Variants in CYP1A1 observed in about 807,000 individuals in gnomAD.
CYP1A1 encodes cytochrome P450 family 1 subfamily A member 1.
Under a neutral mutation model 33.6 loss-of-function variants are expected in CYP1A1, and 43 were observed. The ratio of observed to expected loss-of-function variants is 1.28; its 90% CI spans 1.00 to 1.65. The LOEUF (loss-of-function observed/expected upper bound fraction) is 1.65. CYP1A1 is among the 40% of genes most tolerant of loss of function. The pLI, the probability that CYP1A1 is intolerant of heterozygous loss-of-function variation, is 0.00. For synonymous variants in CYP1A1, 280 were observed against 257.8 expected (o/e 1.09, Z -0.83); for missense variants, 637 against 653.7 (o/e 0.97, Z 0.28).
In CYP1A1 at chr15:74,722,801, C is replaced by T; in HGVS notation, c.297G>A (p.Gln99=). The change falls in exon 2 of 7, where the codon CAG becomes CAA. Residue 99 remains glutamine (Q), a synonymous_variant. Coordinates refer to ENST00000379727, the MANE Select transcript of CYP1A1 (RefSeq NM_001319217.2). Reference sequence around the variant, plus strand: ...CGGGCCGGCCCTTGAAATCATCGCCCTGCCGCACCAGGGCCTGCCGGATGG... The same window carrying T: ...CGGGCCGGCCCTTGAAATCATCGCCTTGCCGCACCAGGGCCTGCCGGATGG... The part of the protein sequence containing the change: ...LDTIRQALVR[Q]GDDFKGRPDL... 1 of 1,612,978 alleles carries T rather than the reference C, an allele frequency of 6.2e-7. No homozygotes were observed. Among genetic ancestry groups the T allele is most frequent in the South Asian group, 1.1e-5 (1 of 91,026 alleles).
Position 74,722,517 on chromosome 15 carries a change from A to G in CYP1A1, c.581T>C (p.Val194Ala). The G allele has an allele frequency of 6.2e-7, 1 of 1,614,010 alleles. No individual in the cohort carries two copies. The highest frequency in any genetic ancestry group is 8.5e-7 in the Non-Finnish European group (1 of 1,179,992). ...GCAAATGGCACAGATGACATTGGTC[A>G]CTGATACCACCACATACCTGTAGGG... The part of the protein sequence containing the change: ...FNPYRYVVVS[V>A]TNVICAICFG... Residue 194 changes from valine (V) to alanine (A), a missense_variant, in exon 2 of 7, where the codon GTG becomes GCG. Val to Ala is a moderately conservative substitution (Grantham distance 64). Coordinates refer to ENST00000379727, the MANE Select transcript of CYP1A1 (RefSeq NM_001319217.2).
In CYP1A1 at chr15:74,720,146, G is replaced by C. The variant is rs4986881; in HGVS notation, c.*343C>G. ...TCAGCACCCTCACAGAGCCAGCTAG[G>C]TACTGGGCCCAGGGGCTTCCAGAGA... On this transcript the variant is annotated 3_prime_UTR_variant, in exon 7 of 7. Transcript: ENST00000379727. 3,852 of 208,268 alleles carry C rather than the reference G, an allele frequency of 0.018. 156 individuals carry two copies. The highest frequency in any genetic ancestry group is 0.083 in the African/African-American group (3,623 of 43,704). The allele number at this position is 208,268 out of a possible 1,614,324, so 12.9% of individuals were successfully genotyped here.
intron 2 of CYP1A1, 86 bp downstream of exon 2, chr15:74,722,187 C>T: frequency 9.0e-7 from 1 of 1,115,102 alleles, no homozygotes; most frequent in Non-Finnish European, 1.3e-6. Flanking sequence ...ACTTGCCAAG[C>T]CCCATGCAGT....
chr15:74,721,202 T>G lies in CYP1A1; in HGVS notation c.1163A>C (p.His388Pro), dbSNP rs765452772. Reference protein sequence around the residue: ...HSSFVPFTIPHSTTRDTSLKG... With the variant: ...HSSFVPFTIPPSTTRDTSLKG... ...CAGTGGCTCCATGGGGCCTTACCTG[T>G]GGGGGATGGTGAAGGGGACGAAGGA... The change falls in exon 5 of 7, where the codon CAC (histidine) becomes CCC (proline). Residue 388 changes from histidine to proline, a missense_variant. Transcript: ENST00000379727. 10 of 1,611,474 alleles carry G rather than the reference T, an allele frequency of 6.2e-6. No individual in the cohort carries two copies. Among genetic ancestry groups the G allele is most frequent in the African/African-American group, 1.3e-5 (1 of 74,768 alleles).
At chr15:74,721,985 G>A (rs1344280779) in intron 2 of CYP1A1, 2 of 594,346 alleles carry the variant, frequency 3.4e-6, no homozygotes, top group African/African-American at 1.9e-5. Flanking sequence ...ATGAGGCCAG[G>A]AGATGAACTC....
In CYP1A1 at chr15:74,722,278, C is replaced by A; in HGVS notation, c.820G>T (p.Glu274Ter). The A allele has an allele frequency of 1.2e-6, 2 of 1,608,028 alleles. No homozygotes were observed. Among genetic ancestry groups the A allele is most frequent in the South Asian group, 2.2e-5 (2 of 90,960 alleles). ...TGCCTTTCCCCAGACTGTACCTTCT[C>A]AAAGGTTTTGTAGTGCTCCTTGACC... is the stretch of plus-strand genomic sequence containing the variant. ...KMVKEHYKTF[E>*]KGHIRDITDS... Residue 274 changes from glutamate to a stop codon, truncating the protein, a stop_gained, in exon 2 of 7, where the codon GAG becomes TAG. Transcript: ENST00000379727. LOFTEE classifies it high-confidence loss of function.
intron 1 of CYP1A1, 134 bp from the exon 2 acceptor site, chr15:74,723,260 G>T: frequency 1.8e-6 from 1 of 569,314 alleles, no homozygotes; most frequent in South Asian, 2.4e-5. Context: ...AGAGGGTGAG[G>T]TGGGGAGAAG....
At chr15:74,724,335 A>G (rs1227405160) in intron 1 of CYP1A1, among the ~76,000 whole-genome samples, 1 of 152,178 alleles carries the variant, frequency 6.6e-6, no homozygotes, top group Non-Finnish European at 1.5e-5. Context: ...TCTCTCCAAC[A>G]TATCAGGCAT....
At position 74,721,525 on chromosome 15, in the gene CYP1A1, AAGTT is replaced by A. The variant is rs746388256; in HGVS notation, c.953-26_953-23del. 14 of 1,614,186 alleles carry A rather than the reference AAGTT, an allele frequency of 8.7e-6. No individual in the cohort carries two copies. In the East Asian group the frequency reaches 2.9e-4, roughly 33 times the overall value. On this transcript the variant is annotated intron_variant, in intron 3 of 6. Transcript: ENST00000379727. ...AACCCTGGACAGGGTAGAACAGAAG[AAGTT>A]AGGCAGGCAGCAGCAGGTCAGGGCA... is the stretch of plus-strand genomic sequence containing the variant.
Position 74,720,397 on chromosome 15 carries a change from G to A in CYP1A1, c.*92C>T, listed in dbSNP as rs2063157585. 1 of 1,397,576 alleles carries A rather than the reference G, an allele frequency of 7.2e-7. No individual in the cohort carries two copies. The highest frequency in any genetic ancestry group is 9.7e-7 in the Non-Finnish European group (1 of 1,036,146). The allele number at this position is 1,397,576 out of a possible 1,614,324, so 86.6% of individuals were successfully genotyped here. A position where few individuals can be genotyped will look rare whatever the true frequency, so the allele number is the denominator to read the frequency against. ...GCCAGATCAGTGTCTATGAGTTTCAGGCTGAACCTTAGACCACATAGGCCA... is the reference window on the plus strand; with the variant it reads ...GCCAGATCAGTGTCTATGAGTTTCAAGCTGAACCTTAGACCACATAGGCCA... On this transcript the variant is annotated 3_prime_UTR_variant, in exon 7 of 7. Transcript: ENST00000379727.
Position 74,721,400 on chromosome 15 carries a change from G to A in CYP1A1, c.1042+14C>T. On this transcript the variant is annotated intron_variant, in intron 4 of 6. Coordinates refer to ENST00000379727, the MANE Select transcript of CYP1A1 (RefSeq NM_001319217.2). ...CCCCTGGCACTGACCCCTTTGAAGG[G>A]AGCCACTACCTACCTAGCTCCTCTT... 6.2e-7 allele frequency: 1 copy of A among 1,614,140 alleles called. No individual in the cohort carries two copies. Among genetic ancestry groups the A allele is most frequent in the Non-Finnish European group, 8.5e-7 (1 of 1,180,014 alleles).
Position 74,720,428 on chromosome 15 carries a change from C to A in CYP1A1, c.*61G>T. 2.0e-6 allele frequency: 3 copies of A among 1,493,890 alleles called. No homozygotes were observed. Among genetic ancestry groups the A allele is most frequent in the Non-Finnish European group, 2.7e-6 (3 of 1,115,110 alleles). 92.5% of individuals were successfully genotyped at this position (1,493,890 alleles called of 1,614,324 possible). A position where few individuals can be genotyped will look rare whatever the true frequency, so the allele number is the denominator to read the frequency against. ...ACCTTAGACCACATAGGCCAGCCTG[C>A]TGGTCTGGCTGCCCAACCAGACCAG... On this transcript the variant is annotated 3_prime_UTR_variant, in exon 7 of 7. Transcript: ENST00000379727.
chr15:74,721,626 T>C lies in CYP1A1; in HGVS notation c.917A>G (p.Lys306Arg). The C allele has an allele frequency of 6.2e-7, 1 of 1,614,062 alleles. No individual in the cohort carries two copies. Among genetic ancestry groups the C allele is most frequent in the Non-Finnish European group, 8.5e-7 (1 of 1,180,024 alleles). ...ENANVQLSDEKIINIVLDLFG... is the reference protein window; with the variant it reads ...ENANVQLSDERIINIVLDLFG... ...GAGGTCCAAGACGATGTTAATGATCTTCTCATCTGACAGCTGGACATTGGC... is the reference window on the plus strand; with the variant it reads ...GAGGTCCAAGACGATGTTAATGATCCTCTCATCTGACAGCTGGACATTGGC... The change falls in exon 3 of 7, where the codon AAG becomes AGG. Residue 306 changes from lysine (K) to arginine (R), a missense_variant. Physicochemically the swap from Lys to Arg is conservative, Grantham distance 26. Coordinates refer to ENST00000379727, the MANE Select transcript of CYP1A1 (RefSeq NM_001319217.2).
chr15:74,722,807 C>T lies in CYP1A1; in HGVS notation c.291G>A (p.Val97=). The T allele has an allele frequency of 2.5e-6, 4 of 1,613,910 alleles. No homozygotes were observed. The highest frequency in any genetic ancestry group is 3.4e-6 in the Non-Finnish European group (4 of 1,180,016). Residue 97 remains valine, a synonymous_variant, in exon 2 of 7, where the codon GTG becomes GTA. Transcript: ENST00000379727. Reference sequence around the variant, plus strand: ...GGCCCTTGAAATCATCGCCCTGCCGCACCAGGGCCTGCCGGATGGTGTCCA... The same window carrying T: ...GGCCCTTGAAATCATCGCCCTGCCGTACCAGGGCCTGCCGGATGGTGTCCA... ...SGLDTIRQAL[V]RQGDDFKGRP...
At chr15:74,723,511 A>C (rs35374834) in intron 1 of CYP1A1, among the ~76,000 whole-genome samples, 1 of 152,194 alleles carries the variant, frequency 6.6e-6, no homozygotes, top group Non-Finnish European at 1.5e-5. Flanking sequence ...TGATTTCCAC[A>C]TAGTACCAGT....
chr15:74,725,426 C>T lies in CYP1A1; in HGVS notation c.-30+15G>A, dbSNP rs1428957668. On this transcript the variant is annotated intron_variant, in intron 1 of 6. Transcript: ENST00000379727. ...GGGAGAGAAAGGGCAAGCCAGAAGTCCCCCAGCAACTCACCTGAGGTACTG... is the reference window on the plus strand; with the variant it reads ...GGGAGAGAAAGGGCAAGCCAGAAGTTCCCCAGCAACTCACCTGAGGTACTG... 1.3e-5 allele frequency: 2 copies of T among 152,222 alleles called. No homozygotes were observed. Among genetic ancestry groups the T allele is most frequent in the Admixed American group, 1.3e-4 (2 of 15,268 alleles). The allele number at this position is 152,222 out of a possible 1,614,324, so 9.4% of individuals were successfully genotyped here.
intron 1 of CYP1A1, chr15:74,725,143 G>A (rs35892217): frequency 0.018 from 2,805 of 152,828 alleles, 70 homozygotes; most frequent in African/African-American, 0.057. Context: ...GGAAGCCCCA[G>A]GGTAGGCAGG....
At position 74,722,362 on chromosome 15, in the gene CYP1A1, G is replaced by C. The variant is rs760213300; in HGVS notation, c.736C>G (p.Pro246Ala). 6.2e-7 allele frequency: 1 copy of C among 1,614,056 alleles called. No homozygotes were observed. Among genetic ancestry groups the C allele is most frequent in the South Asian group, 1.1e-5 (1 of 91,078 alleles). The change falls in exon 2 of 7, where the codon CCT becomes GCT. Residue 246 changes from proline to alanine, a missense_variant. Transcript: ENST00000379727. The stretch of plus-strand genomic sequence containing the variant: ...AGGTCCTTGAAGGCATTCAGGGAAG[G>C]GTTGGGTAGGTAGCGAAGAATAGGG... ...FIPILRYLPN[P>A]SLNAFKDLNE...
At chr15:74,724,709 C>T (rs2063201618) in intron 1 of CYP1A1, among the ~76,000 whole-genome samples, 1 of 150,514 alleles carries the variant, frequency 6.6e-6, no homozygotes, top group Non-Finnish European at 1.5e-5. Context: ...CTATGGTGTC[C>T]CCTTCTGCAC....
Sources: allele counts gnomAD v4.1 joint callset (sites outside exome capture counted in the v4.1 genomes callset), GRCh38; gene constraint gnomAD v4.1.1; transcripts MANE v1.5; gene names NCBI Gene and HGNC (gene_info 2026-07-23, HGNC 2026-07-21).